The following MTUS2 variants were observed in gnomAD, a reference collection of about 807,000 sequenced individuals.
The protein encoded by MTUS2 is microtubule associated scaffold protein 2.
Under a neutral mutation model 114.1 loss-of-function variants are expected in MTUS2, and 40 were observed. That is an observed-to-expected ratio of 0.35 (90% confidence interval 0.27 to 0.46). The LOEUF (loss-of-function observed/expected upper bound fraction) is 0.46, where lower values mean the gene tolerates loss of function less well. Ranked by LOEUF, MTUS2 falls within the 20% of genes least tolerant of loss-of-function variation. The pLI is 1.00. For synonymous variants in MTUS2, 688 were observed against 672.0 expected (o/e 1.02, Z -0.37); for missense variants, 1,679 against 1,705.4 (o/e 0.98, Z 0.27).
At chr13:29,497,438 A>T in intron 13 of MTUS2, 102 bp downstream of exon 13, 7 of 978,770 alleles carry the variant, frequency 7.2e-6, no homozygotes, top group Non-Finnish European at 9.5e-6. Flanking sequence ...CCTCTCTGTG[A>T]ATCCGCTGCT....
At chr13:28,848,779 T>C (rs1393340829) in intron 2 of MTUS2, among the ~76,000 whole-genome samples, 2 of 152,174 alleles carry the variant, frequency 1.3e-5, no homozygotes, top group Non-Finnish European at 2.9e-5. Context: ...CCTACAAGGA[T>C]TTGCCCACTC....
chr13:29,471,164 G>A (rs1335199319), intron 9 of MTUS2, among the ~76,000 whole-genome samples: 1 of 151,966 alleles, frequency 6.6e-6, no homozygotes, highest in Non-Finnish European at 1.5e-5. Context: ...CCAACATGGT[G>A]AAACCCCATC....
intron 5 of MTUS2, among the ~76,000 whole-genome samples, chr13:29,265,556 T>C (rs557871828): frequency 5.1e-4 from 78 of 152,280 alleles, no homozygotes; most frequent in African/African-American, 1.8e-3. Flanking sequence ...TACTGGAGAC[T>C]GGGTAATTTA....
At chr13:29,395,053 A>G (rs2138460292) in intron 8 of MTUS2, among the ~76,000 whole-genome samples, 1 of 152,312 alleles carries the variant, frequency 6.6e-6, no homozygotes, top group South Asian at 2.1e-4. Flanking sequence ...CCATTTCAAA[A>G]TATGTCAAAG....
At chr13:29,125,747 A>G (rs1891488526) in intron 5 of MTUS2, among the ~76,000 whole-genome samples, 4 of 152,206 alleles carry the variant, frequency 2.6e-5, no homozygotes, top group Admixed American at 2.6e-4. Context: ...TTATTTCATG[A>G]TGATTTTTTA....
intron 8 of MTUS2, among the ~76,000 whole-genome samples, chr13:29,383,450 A>C (rs936351843): frequency 2.0e-5 from 3 of 152,118 alleles, no homozygotes; most frequent in Admixed American, 6.5e-5. Context: ...AGCAAGAGAG[A>C]ATAAACACTG....
chr13:29,247,866 A>G (rs1461836489), intron 5 of MTUS2, among the ~76,000 whole-genome samples: 1 of 152,268 alleles, frequency 6.6e-6, no homozygotes, highest in Non-Finnish European at 1.5e-5. Flanking sequence ...TTCAAAGTAG[A>G]TCTACTGTTT....
intron 8 of MTUS2, among the ~76,000 whole-genome samples, chr13:29,379,867 G>A (rs1023247488): frequency 2.0e-5 from 3 of 152,216 alleles, no homozygotes; most frequent in African/African-American, 7.2e-5. Context: ...AGAGATTAAA[G>A]GTAGTCAAAG....
intron 5 of MTUS2, among the ~76,000 whole-genome samples, chr13:29,225,048 A>T (rs1566077086): frequency 6.6e-6 from 1 of 152,192 alleles, no homozygotes; most frequent in African/African-American, 2.4e-5. Flanking sequence ...GCTGGGGCCC[A>T]GGCATCAGTG....
intron 2 of MTUS2, among the ~76,000 whole-genome samples, chr13:28,933,605 A>G (rs1429149532): frequency 2.6e-5 from 4 of 152,198 alleles, no homozygotes; most frequent in Non-Finnish European, 4.4e-5. Flanking sequence ...TGCCTGCTCT[A>G]TGATTGGGCG....
chr13:28,897,793 A>G (rs975823124), intron 2 of MTUS2, among the ~76,000 whole-genome samples: 5 of 152,038 alleles, frequency 3.3e-5, no homozygotes, highest in Non-Finnish European at 7.4e-5. Context: ...TCAGCATACT[A>G]TCACAAGGAC....
intron 5 of MTUS2, among the ~76,000 whole-genome samples, chr13:29,270,176 G>A (rs2139499120): frequency 6.6e-6 from 1 of 152,244 alleles, no homozygotes; most frequent in African/African-American, 2.4e-5. Flanking sequence ...TTGCACACTT[G>A]CCATTTAAGA....
rs1487892203 is a variant in MTUS2 at position 29,024,542 on chromosome 13, A to G, written c.-157A>G. The G allele has an allele frequency of 9.3e-6, 8 of 861,426 alleles. No individual in the cohort carries two copies. In the South Asian group the frequency reaches 1.3e-4, roughly 14 times the overall value. 53.4% of individuals were successfully genotyped at this position (861,426 alleles called of 1,614,324 possible). On this transcript the variant is annotated 5_prime_UTR_variant, in exon 3 of 16. Transcript: ENST00000612955. Reference sequence around the variant, plus strand: ...ATATCAAGACAATGCTTGGTTTTCAAGCTGTTCTGAGAATGATTAAAGCAG... The same window carrying G: ...ATATCAAGACAATGCTTGGTTTTCAGGCTGTTCTGAGAATGATTAAAGCAG...
intron 9 of MTUS2, among the ~76,000 whole-genome samples, chr13:29,440,815 G>A (rs371790091): frequency 3.3e-5 from 5 of 152,042 alleles, no homozygotes; most frequent in African/African-American, 7.2e-5. Context: ...GGCTTCCTCC[G>A]TGAGTGAAGG....
intron 4 of MTUS2, among the ~76,000 whole-genome samples, chr13:29,061,368 G>A (rs945189988): frequency 4.6e-5 from 7 of 152,140 alleles, no homozygotes; most frequent in Non-Finnish European, 7.4e-5. Flanking sequence ...AAGTGGAACC[G>A]TTATCAGCCT....
At chr13:29,042,599 A>G (rs1238814478) in intron 4 of MTUS2, among the ~76,000 whole-genome samples, 1 of 152,006 alleles carries the variant, frequency 6.6e-6, no homozygotes, top group Non-Finnish European at 1.5e-5. Context: ...CTGGTCCTGG[A>G]CTTTTTCTTG....
At chr13:29,225,191 C>G (rs1300589479) in intron 5 of MTUS2, among the ~76,000 whole-genome samples, 1 of 152,234 alleles carries the variant, frequency 6.6e-6, no homozygotes, top group Non-Finnish European at 1.5e-5. Flanking sequence ...GCTGAAGGCT[C>G]AAGCCCTTCC....
At chr13:29,303,533 T>G (rs1899301590) in intron 6 of MTUS2, among the ~76,000 whole-genome samples, 1 of 152,068 alleles carries the variant, frequency 6.6e-6, no homozygotes. Context: ...GAGGAAAGAA[T>G]CTCAGTGCTT....
At position 29,505,065 on chromosome 13, in the gene MTUS2, ACAC is replaced by A. The variant is rs1335037477; in HGVS notation, c.*1865_*1867del. 4.3e-6 allele frequency: 1 copy of A among 232,218 alleles called. No homozygotes were observed. The highest frequency in any genetic ancestry group is 5.6e-5 in the Admixed American group (1 of 17,748). The allele number at this position is 232,218 out of a possible 1,614,324, so 14.4% of individuals were successfully genotyped here. The stretch of plus-strand genomic sequence containing the variant: ...ACGTACACAGTAAATCCACATGGAA[ACAC>A]CACCATTTCTCTTTGCTTTAGTGGC... On this transcript the variant is annotated 3_prime_UTR_variant, in exon 16 of 16. Coordinates refer to ENST00000612955, the MANE Select transcript of MTUS2 (RefSeq NM_001033602.4).
Sources: gnomAD v4.1 joint callset for allele counts (sites outside exome capture counted in the v4.1 genomes callset) on GRCh38, gnomAD v4.1.1 for gene constraint, MANE v1.5 for transcripts, NCBI Gene and HGNC (gene_info 2026-07-23, HGNC 2026-07-21) for gene names.